GRIK1: variants seen among roughly 807,000 people sequenced by gnomAD.
The protein encoded by GRIK1 is glutamate receptor ionotropic, kainate 1.
GRIK1 carries 69 observed loss-of-function variants against 105.7 expected under a neutral mutation model. The ratio of observed to expected loss-of-function variants is 0.65; its 90% CI spans 0.54 to 0.80. The LOEUF (loss-of-function observed/expected upper bound fraction) is 0.80. Among genes scored for constraint, GRIK1 ranks in the 30% least tolerant of loss-of-function variants. The pLI is 0.00. For missense variants in GRIK1, 1,109 were observed against 1,167.3 expected, an observed-to-expected ratio of 0.95 and a Z score of 0.73; for synonymous variants, 438 against 431.3, an observed-to-expected ratio of 1.02 and a Z score of -0.19.
intron 2 of GRIK1, 77 bp from the exon 3 acceptor site, chr21:29,690,062 T>C (rs1421060671): frequency 1.7e-6 from 2 of 1,161,734 alleles, no homozygotes; most frequent in Non-Finnish European, 2.5e-6. Flanking sequence ...TCTATGAATT[T>C]AATTTTTTCT....
chr21:29,870,532 T>A (rs1219961910), intron 1 of GRIK1, among the ~76,000 whole-genome samples: 3 of 151,446 alleles, frequency 2.0e-5, no homozygotes, highest in Non-Finnish European at 2.9e-5. Flanking sequence ...ACATATAACA[T>A]ATTTTATTAA....
In GRIK1 at chr21:29,905,968, A is replaced by C. The variant is rs915771713; in HGVS notation, c.118+33415T>G. On this transcript the variant is annotated intron_variant, in intron 1 of 17. Transcript: ENST00000327783. Reference sequence around the variant, plus strand: ...TTGTTTGTTTGTTTGTTTGTTTTAAATATCTGTTATTGCCCGGTGGAGTGT... The same window carrying C: ...TTGTTTGTTTGTTTGTTTGTTTTAACTATCTGTTATTGCCCGGTGGAGTGT... Among the ~76,000 whole-genome samples the C allele has an allele frequency of 3.3e-5, 5 of 151,716 alleles. No individual in the cohort carries two copies. In the South Asian group the frequency reaches 1.0e-3, roughly 32 times the overall value.
At chr21:29,912,366 C>G (rs1430371806) in intron 1 of GRIK1, among the ~76,000 whole-genome samples, 1 of 152,060 alleles carries the variant, frequency 6.6e-6, no homozygotes, top group Non-Finnish European at 1.5e-5. Context: ...ATAACCTCTC[C>G]TCTGACAAGA....
At chr21:29,920,294 A>C (rs547653918) in intron 1 of GRIK1, among the ~76,000 whole-genome samples, 3 of 152,038 alleles carry the variant, frequency 2.0e-5, no homozygotes, top group Non-Finnish European at 2.9e-5. Flanking sequence ...AAGGGCTACT[A>C]TATGTACACA....
chr21:29,700,023 A>G (rs1472392907), intron 1 of GRIK1, among the ~76,000 whole-genome samples: 1 of 152,180 alleles, frequency 6.6e-6, no homozygotes, highest in Non-Finnish European at 1.5e-5. Context: ...TATTCAAGTA[A>G]TATTCTCTTC....
chr21:29,883,979 C>T (rs1334881298), intron 1 of GRIK1, among the ~76,000 whole-genome samples: 1 of 151,936 alleles, frequency 6.6e-6, no homozygotes, highest in Non-Finnish European at 1.5e-5. Flanking sequence ...CTGACTCTTC[C>T]TAAAAAGAAG....
chr21:29,556,051 C>T (rs899055932), intron 15 of GRIK1, among the ~76,000 whole-genome samples: 13 of 152,156 alleles, frequency 8.5e-5, no homozygotes, highest in Admixed American at 8.5e-4. Flanking sequence ...GACCACCGAC[C>T]TTAGACTGGT....
At position 29,651,100 on chromosome 21, in the gene GRIK1, T is replaced by A. The variant is rs759224908; in HGVS notation, c.954+18A>T. 28 of 1,570,872 alleles carry A rather than the reference T, an allele frequency of 1.8e-5. No individual in the cohort carries two copies. The highest frequency in any genetic ancestry group is 1.7e-4 in the Middle Eastern group (1 of 5,824). On this transcript the variant is annotated intron_variant, in intron 6 of 17. Coordinates refer to ENST00000327783, the MANE Select transcript of GRIK1 (RefSeq NM_001330994.2). ...ATTCAAATATTCTTGCAAATGATTT[T>A]ATTTGAAAATGACTTACTGTCATCA...
intron 14 of GRIK1, among the ~76,000 whole-genome samples, chr21:29,569,766 C>A (rs1413004236): frequency 2.0e-5 from 3 of 152,176 alleles, no homozygotes; most frequent in Non-Finnish European, 1.5e-5. Context: ...TTTGGACTAT[C>A]TTATTGTTTC....
chr21:29,855,118 T>C (rs1263235538), intron 1 of GRIK1, among the ~76,000 whole-genome samples: 2 of 152,204 alleles, frequency 1.3e-5, no homozygotes, highest in African/African-American at 4.8e-5. Flanking sequence ...ACAGTCATCT[T>C]GTAGTCTCAA....
At chr21:29,830,510 T>A (rs993467030) in intron 1 of GRIK1, among the ~76,000 whole-genome samples, 4 of 152,186 alleles carry the variant, frequency 2.6e-5, no homozygotes, top group African/African-American at 9.6e-5. Flanking sequence ...GGAACTGCTT[T>A]GTGCCATATA....
chr21:29,925,456 T>A (rs146564550), intron 1 of GRIK1, among the ~76,000 whole-genome samples: 1,530 of 152,306 alleles, frequency 0.01, 17 homozygotes, highest in African/African-American at 0.035. Context: ...CTTTAAAATA[T>A]TTTTAGAATA....
At chr21:29,623,467 G>A (rs1442751420) in intron 7 of GRIK1, among the ~76,000 whole-genome samples, 1 of 151,796 alleles carries the variant, frequency 6.6e-6, no homozygotes, top group Non-Finnish European at 1.5e-5. Flanking sequence ...AAATCAATAG[G>A]AAGCTGAATT....
intron 4 of GRIK1, among the ~76,000 whole-genome samples, chr21:29,660,554 A>G (rs533384402): frequency 6.6e-6 from 1 of 152,336 alleles, no homozygotes; most frequent in South Asian, 2.1e-4. Context: ...ACTAAGGGAA[A>G]TCCATATGCC....
intron 1 of GRIK1, among the ~76,000 whole-genome samples, chr21:29,808,521 C>G (rs1006443285): frequency 2.0e-5 from 3 of 152,130 alleles, no homozygotes; most frequent in Non-Finnish European, 4.4e-5. Context: ...ATTACCAGGA[C>G]ATTCAAAGAA....
intron 9 of GRIK1, among the ~76,000 whole-genome samples, chr21:29,595,779 T>G (rs2061401518): frequency 6.6e-6 from 1 of 152,090 alleles, no homozygotes; most frequent in Non-Finnish European, 1.5e-5. Context: ...AAGAAAATGT[T>G]TGCTTACCAC....
chr21:29,814,113 A>AATT (rs1414699735), intron 1 of GRIK1, among the ~76,000 whole-genome samples: 11 of 138,756 alleles, frequency 7.9e-5, no homozygotes, highest in East Asian at 2.1e-4. Flanking sequence ...TAATAATAAT[A>AATT]ATTATTATTT....
chr21:29,590,336 T>G (rs363474), intron 10 of GRIK1, among the ~76,000 whole-genome samples: 6,107 of 152,244 alleles, frequency 0.04, 359 homozygotes, highest in African/African-American at 0.13. Flanking sequence ...AGGCAGGATG[T>G]CTGCAAGCAA....
chr21:29,699,985 T>C (rs1568990161), intron 1 of GRIK1, among the ~76,000 whole-genome samples: 1 of 152,178 alleles, frequency 6.6e-6, no homozygotes, highest in Non-Finnish European at 1.5e-5. Context: ...GCTTTGAAAT[T>C]GAAAATAATT....
Sources: allele counts gnomAD v4.1 joint callset (sites outside exome capture counted in the v4.1 genomes callset), GRCh38; gene constraint gnomAD v4.1.1; transcripts MANE v1.5; gene names NCBI Gene and HGNC (gene_info 2026-07-23, HGNC 2026-07-21).